GPRC6A: variants seen among roughly 807,000 people sequenced by gnomAD.
The protein encoded by GPRC6A is G protein-coupled receptor class C group 6 member A.
A neutral mutation model predicts 47.0 loss-of-function variants in GPRC6A; 54 were observed. That is an observed-to-expected ratio of 1.15 (90% CI 0.92 to 1.44). The LOEUF (loss-of-function observed/expected upper bound fraction) is 1.44, where lower values mean the gene tolerates loss of function less well. Among genes scored for constraint, GPRC6A ranks in the 40% most tolerant of loss-of-function variants. GPRC6A has a pLI of 0.00. For missense variants in GPRC6A, 1,112 were observed against 1,105.5 expected (o/e 1.01, Z -0.08); for synonymous variants, 347 against 377.1 (o/e 0.92, Z 0.93).
Position 116,806,634 on chromosome 6 carries a change from A to T in GPRC6A, c.1071T>A (p.Tyr357Ter). The T allele has an allele frequency of 6.2e-7, 1 of 1,613,544 alleles. No homozygotes were observed. Among genetic ancestry groups the T allele is most frequent in the Non-Finnish European group, 8.5e-7 (1 of 1,179,694 alleles). The change falls in exon 3 of 6, where the codon TAT (tyrosine) becomes TAA (stop). Residue 357 changes from tyrosine to a stop codon, truncating the protein, a stop_gained. Transcript: ENST00000310357. LOFTEE classifies it high-confidence loss of function. ...PSDSHKLLHE[Y>*]AMHLSACAYV... Reference sequence around the variant, plus strand: ...ATGCGCAGGCAGATAAATGCATGGCATATTCATGTAAGAGTTTGTGACTGT... The same window carrying T: ...ATGCGCAGGCAGATAAATGCATGGCTTATTCATGTAAGAGTTTGTGACTGT...
In GPRC6A at chr6:116,792,160, T is replaced by C. The variant is rs1199798830; in HGVS notation, c.2763A>G (p.Lys921=). ...GGCTTATTCATATACTTGACATTCT[T>C]TTTCGAGGCAAAGTTTTAGATACAC... is the stretch of plus-strand genomic sequence containing the variant. ...ATSVSKTLPR[K]RMSSI The change falls in exon 6 of 6, where the codon AAA becomes AAG. Residue 921 remains lysine, a synonymous_variant. Transcript: ENST00000310357. 6.2e-7 allele frequency: 1 copy of C among 1,613,054 alleles called. No homozygotes were observed. Among genetic ancestry groups the C allele is most frequent in the Non-Finnish European group, 8.5e-7 (1 of 1,179,410 alleles).
intron 3 of GPRC6A, among the ~76,000 whole-genome samples, chr6:116,801,558 G>T (rs1174979702): frequency 6.6e-6 from 1 of 152,054 alleles, no homozygotes; most frequent in Non-Finnish European, 1.5e-5. Flanking sequence ...TGTGGCTTTT[G>T]TTGGGTATAA....
At chr6:116,800,473 A>G (rs962690041) in intron 4 of GPRC6A, 111 bp downstream of exon 4, 2 of 731,418 alleles carry the variant, frequency 2.7e-6, no homozygotes, top group African/African-American at 3.5e-5. Context: ...AACTTGATTA[A>G]CAGGGATTGT....
At chr6:116,819,715 A>G (rs1773386800) in intron 1 of GPRC6A, among the ~76,000 whole-genome samples, 1 of 152,122 alleles carries the variant, frequency 6.6e-6, no homozygotes, top group Non-Finnish European at 1.5e-5. Flanking sequence ...AGCAGTGTGT[A>G]GAGGGAAATT....
At chr6:116,804,957 T>C (rs1439750265) in intron 3 of GPRC6A, among the ~76,000 whole-genome samples, 1 of 152,042 alleles carries the variant, frequency 6.6e-6, no homozygotes, top group African/African-American at 2.4e-5. Flanking sequence ...AGTCTAATTT[T>C]AAAAATTAAA....
intron 3 of GPRC6A, 72 bp from the exon 4 acceptor site, chr6:116,800,868 C>T (rs1174305002): frequency 7.6e-5 from 66 of 866,496 alleles, no homozygotes; most frequent in Non-Finnish European, 7.5e-5. Flanking sequence ...CTAATGATAA[C>T]ACTGCCTTAT....
chr6:116,811,721 C>A (rs1000038614), intron 1 of GPRC6A, among the ~76,000 whole-genome samples: 1 of 151,796 alleles, frequency 6.6e-6, no homozygotes, highest in African/African-American at 2.4e-5. Context: ...AACAACATAA[C>A]ACATTTGAAA....
intron 1 of GPRC6A, among the ~76,000 whole-genome samples, chr6:116,816,519 C>A (rs945904158): frequency 6.6e-6 from 1 of 152,090 alleles, no homozygotes; most frequent in Non-Finnish European, 1.5e-5. Flanking sequence ...ATAAATCATT[C>A]TTCTGAGGGA....
intron 1 of GPRC6A, among the ~76,000 whole-genome samples, chr6:116,817,304 C>A (rs1306367009): frequency 1.3e-5 from 2 of 152,106 alleles, no homozygotes; most frequent in African/African-American, 4.8e-5. Context: ...CAGCGTATTC[C>A]AACAGACCTG....
Position 116,822,173 on chromosome 6 carries a change from A to G in GPRC6A, c.194+6647T>C, listed in dbSNP as rs1474632305. On this transcript the variant is annotated intron_variant, in intron 1 of 5. Transcript: ENST00000310357. Reference sequence around the variant, plus strand: ...AAACCACAATGAGATACCATCTCACACCAGTTAGAATGGCAATCATTAAAA... The same window carrying G: ...AAACCACAATGAGATACCATCTCACGCCAGTTAGAATGGCAATCATTAAAA... Among the ~76,000 whole-genome samples the G allele has an allele frequency of 4.1e-3, 547 of 132,106 alleles. 3 individuals are homozygous for G. The highest frequency in any genetic ancestry group is 7.4e-3 in the Middle Eastern group (2 of 270). 86.7% of individuals were successfully genotyped at this position (132,106 alleles called of 152,430 possible).
At chr6:116,812,661 G>C (rs1312748415) in intron 1 of GPRC6A, among the ~76,000 whole-genome samples, 18 of 152,104 alleles carry the variant, frequency 1.2e-4, no homozygotes, top group Non-Finnish European at 2.9e-5. Context: ...ATACTAAATG[G>C]GCAAAAACTG....
At chr6:116,800,203 TCTC>T (rs1361112973) in intron 4 of GPRC6A, among the ~76,000 whole-genome samples, 2 of 108,082 alleles carry the variant, frequency 1.9e-5, no homozygotes, top group Non-Finnish European at 3.7e-5. Context: ...TCCCTCCCTC[TCTC>T]TCTTTTCTTT....
intron 1 of GPRC6A, among the ~76,000 whole-genome samples, chr6:116,822,909 A>G (rs1233866547): frequency 6.7e-6 from 1 of 148,752 alleles, no homozygotes; most frequent in Non-Finnish European, 1.5e-5. Context: ...AAAAAAAAAA[A>G]GAAAGAAAGA....
At position 116,792,595 on chromosome 6, in the gene GPRC6A, C is replaced by T. The variant is rs1772342642; in HGVS notation, c.2328G>A (p.Glu776=). The T allele has an allele frequency of 6.8e-7, 1 of 1,460,122 alleles. No homozygotes were observed. The highest frequency in any genetic ancestry group is 2.0e-5 in the African/African-American group (1 of 49,700). The allele number at this position is 1,460,122 out of a possible 1,614,324, so 90.4% of individuals were successfully genotyped here. Residue 776 remains glutamate (E), a synonymous_variant, in exon 6 of 6, where the codon GAG becomes GAA. Coordinates refer to ENST00000310357, the MANE Select transcript of GPRC6A (RefSeq NM_148963.4). ...CFIFAFKGKY[E]NYNEAKFITF... is the part of the protein sequence containing the mutation. ...TAATGAATTTGGCTTCATTGTAATTCTCATATTTGCCTTTGAAAGCAAATA... is the reference window on the plus strand; with the variant it reads ...TAATGAATTTGGCTTCATTGTAATTTTCATATTTGCCTTTGAAAGCAAATA...
At chr6:116,795,561 A>T (rs1772454982) in intron 5 of GPRC6A, 151 bp downstream of exon 5, 3 of 564,316 alleles carry the variant, frequency 5.3e-6, no homozygotes, top group Non-Finnish European at 8.8e-6. Context: ...ATTCCAAGAT[A>T]AAATGAAATT....
intron 1 of GPRC6A, among the ~76,000 whole-genome samples, chr6:116,824,173 A>G (rs1773599893): frequency 6.6e-6 from 1 of 152,096 alleles, no homozygotes; most frequent in South Asian, 2.1e-4. Context: ...ATAACCTAAG[A>G]ATGTATCTTA....
At chr6:116,803,269 C>T (rs149023504) in intron 3 of GPRC6A, among the ~76,000 whole-genome samples, 39 of 152,132 alleles carry the variant, frequency 2.6e-4, no homozygotes, top group African/African-American at 8.7e-4. Flanking sequence ...TGTAGGCATT[C>T]TTATCTTATG....
chr6:116,818,491 G>A (rs1213644203), intron 1 of GPRC6A, among the ~76,000 whole-genome samples: 8 of 98,102 alleles, frequency 8.2e-5, no homozygotes, highest in South Asian at 9.4e-4. Flanking sequence ...CCGAGATCCC[G>A]CCACTGCACT....
chr6:116,823,050 A>G (rs1773556321), intron 1 of GPRC6A, among the ~76,000 whole-genome samples: 1 of 151,978 alleles, frequency 6.6e-6, no homozygotes, highest in African/African-American at 2.4e-5. Flanking sequence ...ATTTAATGCA[A>G]ATTTTTGCAG....
Sources: gnomAD v4.1 joint callset for allele counts (sites outside exome capture counted in the v4.1 genomes callset) on GRCh38, gnomAD v4.1.1 for gene constraint, MANE v1.5 for transcripts, NCBI Gene and HGNC (gene_info 2026-07-23, HGNC 2026-07-21) for gene names.